The following IFT80 variants were observed in gnomAD, a reference collection of about 807,000 sequenced individuals.
IFT80 encodes the protein intraflagellar transport 80.
A neutral mutation model predicts 107.9 loss-of-function variants in IFT80; 79 were observed. The observed-to-expected ratio is 0.73, with a 90% CI of 0.61 to 0.88. IFT80 has a LOEUF of 0.88. Among genes scored for constraint, IFT80 ranks in the 40% least tolerant of loss-of-function variants. The pLI, the probability that IFT80 is intolerant of heterozygous loss-of-function variation, is 0.00. For missense variants in IFT80, 797 were observed against 914.2 expected, an observed-to-expected ratio of 0.87 and a Z score of 1.65; for synonymous variants, 299 against 300.9, an observed-to-expected ratio of 0.99 and a Z score of 0.07.
At chr3:160,305,802 C>A (rs1045579791) in intron 10 of IFT80, among the ~76,000 whole-genome samples, 3 of 151,974 alleles carry the variant, frequency 2.0e-5, no homozygotes, top group African/African-American at 7.2e-5. Flanking sequence ...TAAAAAATAG[C>A]CAACAGTTAT....
At chr3:160,381,861 A>G (rs1712544449) in intron 2 of IFT80, 137 bp from the exon 3 acceptor site, 1 of 698,482 alleles carries the variant, frequency 1.4e-6, no homozygotes, top group Non-Finnish European at 2.5e-6. Context: ...CCATTTTATG[A>G]CTGGTATTTT....
rs371469689 is a variant in IFT80 at position 160,313,593 on chromosome 3, A to G, written c.958-5812T>C. Among the ~76,000 whole-genome samples the G allele has an allele frequency of 1.6e-4, 24 of 151,958 alleles. No individual in the cohort carries two copies. In the East Asian group the frequency reaches 2.7e-3, roughly 17 times the overall value. ...AAACTATGGCAAATTCCACATCAGA[A>G]ATGTTCTGTGCTGAATTTTTTTTTT... On this transcript the variant is annotated intron_variant, in intron 9 of 19. Coordinates refer to ENST00000326448, the MANE Select transcript of IFT80 (RefSeq NM_020800.3).
intron 18 of IFT80, chr3:160,274,441 A>G (rs1176909938): frequency 6.6e-6 from 1 of 152,238 alleles, no homozygotes; most frequent in Non-Finnish European, 1.5e-5. Context: ...GCATGTATCT[A>G]CACCCAATAA....
chr3:160,313,222 C>G (rs1251325643), intron 9 of IFT80, among the ~76,000 whole-genome samples: 12 of 145,528 alleles, frequency 8.2e-5, no homozygotes, highest in Non-Finnish European at 7.4e-5. Flanking sequence ...ATCCAAAATG[C>G]CATCTTCTAG....
At position 160,257,857 on chromosome 3, in the gene IFT80, G is replaced by C. The variant is rs1712483829; in HGVS notation, c.*668C>G. The C allele has an allele frequency of 6.6e-6, 1 of 152,396 alleles. No homozygotes were observed. The highest frequency in any genetic ancestry group is 2.4e-5 in the African/African-American group (1 of 41,372). The allele number at this position is 152,396 out of a possible 1,614,324, so 9.4% of individuals were successfully genotyped here. On this transcript the variant is annotated 3_prime_UTR_variant, in exon 20 of 20. Transcript: ENST00000326448. The stretch of plus-strand genomic sequence containing the variant: ...CCTCATAAAAGTGGCATCATATTTG[G>C]CCTTTTGTGTCTGGCTTATTTCACT...
chr3:160,285,990 C>T, intron 12 of IFT80, 122 bp from the exon 13 acceptor site: 1 of 633,138 alleles, frequency 1.6e-6, no homozygotes, highest in Non-Finnish European at 2.8e-6. Flanking sequence ...GAGAGAGCAG[C>T]AGCATCCAAT....
rs75704706 is a variant in IFT80, at chr3:160,266,215, T to G, written c.2223+2198A>C. On this transcript the variant is annotated intron_variant, in intron 19 of 19. Coordinates refer to ENST00000326448, the MANE Select transcript of IFT80 (RefSeq NM_020800.3). ...AAGCCATGTTGTTCTGGTACTCTTA[T>G]GATTAAAGTATTATATTTTGGTAAC... Among the ~76,000 whole-genome samples, 85 of 152,100 alleles carry G rather than the reference T, an allele frequency of 5.6e-4. No individual in the cohort carries two copies. The East Asian group carries it at 0.012, about 21-fold the overall frequency.
chr3:160,310,863 T>G (rs1717189051), intron 9 of IFT80, among the ~76,000 whole-genome samples: 1 of 152,122 alleles, frequency 6.6e-6, no homozygotes, highest in African/African-American at 2.4e-5. Context: ...AGGCTGGGCA[T>G]GGTGGCTTAT....
intron 19 of IFT80, among the ~76,000 whole-genome samples, chr3:160,261,098 T>C (rs892085297): frequency 9.2e-5 from 14 of 152,154 alleles, no homozygotes; most frequent in African/African-American, 3.4e-4. Context: ...TTCTTTTCAC[T>C]GACTCGCTCT....
At chr3:160,300,216 T>C (rs1483550626) in intron 12 of IFT80, among the ~76,000 whole-genome samples, 1 of 152,116 alleles carries the variant, frequency 6.6e-6, no homozygotes, top group Non-Finnish European at 1.5e-5. Flanking sequence ...TTAATTTTTA[T>C]TTGCTAATTT....
At chr3:160,396,808 CTTTAT>C (rs1713812891) in intron 1 of IFT80, among the ~76,000 whole-genome samples, 1 of 152,238 alleles carries the variant, frequency 6.6e-6, no homozygotes, top group Admixed American at 6.5e-5. Flanking sequence ...AACCAAAAGT[CTTTAT>C]TTCTTGTGAC....
At chr3:160,287,752 A>G (rs1715204505) in intron 12 of IFT80, among the ~76,000 whole-genome samples, 2 of 152,228 alleles carry the variant, frequency 1.3e-5, no homozygotes, top group African/African-American at 2.4e-5. Flanking sequence ...ATTACTATCT[A>G]TAATATAATA....
At chr3:160,298,827 T>C (rs1008325762) in intron 12 of IFT80, among the ~76,000 whole-genome samples, 13 of 152,174 alleles carry the variant, frequency 8.5e-5, no homozygotes, top group African/African-American at 2.9e-4. Context: ...CTGAATATAA[T>C]GGACAACTGT....
At chr3:160,279,076 A>G (rs1466335014) in intron 16 of IFT80, 117 bp downstream of exon 16, 7 of 754,764 alleles carry the variant, frequency 9.3e-6, no homozygotes, top group Admixed American at 2.5e-5. Context: ...TTATAAAAAA[A>G]GACATGATCT....
Position 160,282,567 on chromosome 3 carries a change from T to C in IFT80, c.1427A>G (p.Asp476Gly). ...IALDQKGLTN[D>G]RKIAFIDKNR... ...TTTATCAATGAAAGCAATTTTTCTA[T>C]CATTGGTAAGTCCTTTTTGATCCAG... is the stretch of plus-strand genomic sequence containing the variant. The change falls in exon 14 of 20, where the codon GAT (aspartate) becomes GGT (glycine). Residue 476 changes from aspartate to glycine, a missense_variant. Physicochemically the swap from Asp to Gly is moderately conservative, Grantham distance 94. Coordinates refer to ENST00000326448, the MANE Select transcript of IFT80 (RefSeq NM_020800.3). The C allele has an allele frequency of 6.3e-7, 1 of 1,593,932 alleles. No homozygotes were observed. Among genetic ancestry groups the C allele is most frequent in the Non-Finnish European group, 8.6e-7 (1 of 1,165,758 alleles).
At chr3:160,349,166 G>C (rs943329830) in intron 8 of IFT80, among the ~76,000 whole-genome samples, 1 of 151,994 alleles carries the variant, frequency 6.6e-6, no homozygotes, top group African/African-American at 2.4e-5. Context: ...GAAGAGAACA[G>C]GGCTGGGCAC....
At chr3:160,348,161 T>A (rs950027831) in intron 8 of IFT80, among the ~76,000 whole-genome samples, 3 of 152,202 alleles carry the variant, frequency 2.0e-5, no homozygotes, top group Non-Finnish European at 2.9e-5. Flanking sequence ...AAATTGAACA[T>A]CCTTTCATGT....
chr3:160,354,966 T>G (rs1027379995), intron 8 of IFT80, among the ~76,000 whole-genome samples: 1 of 152,242 alleles, frequency 6.6e-6, no homozygotes. Flanking sequence ...TTCTGTCTTA[T>G]TCTGCATTAG....
intron 8 of IFT80, chr3:160,342,753 T>A (rs1197189636): frequency 6.5e-6 from 1 of 152,700 alleles, no homozygotes; most frequent in Non-Finnish European, 1.5e-5. Context: ...CCAAAGGGAG[T>A]ATGCAGCTCT....
Sources: gnomAD v4.1 joint callset for allele counts (sites outside exome capture counted in the v4.1 genomes callset) on GRCh38, gnomAD v4.1.1 for gene constraint, MANE v1.5 for transcripts, NCBI Gene and HGNC (gene_info 2026-07-23, HGNC 2026-07-21) for gene names.